Variants in INTS9 observed in about 807,000 individuals in gnomAD.
The protein encoded by INTS9 is protein related to CPSF subunits of 74 kDa.
INTS9 carries 55 observed loss-of-function variants against 79.7 expected under a neutral mutation model. The observed-to-expected ratio is 0.69, with a 90% CI of 0.56 to 0.86. The LOEUF (loss-of-function observed/expected upper bound fraction) is 0.86. Ranked by LOEUF, INTS9 falls within the 40% of genes least tolerant of loss-of-function variation. The pLI is 0.00. For missense variants in INTS9, 721 were observed against 831.5 expected, an observed-to-expected ratio of 0.87 and a Z score of 1.64; for synonymous variants, 319 against 325.2, an observed-to-expected ratio of 0.98 and a Z score of 0.20.
chr8:28,795,478 A>G (rs1202090172), intron 9 of INTS9, among the ~76,000 whole-genome samples: 2 of 151,932 alleles, frequency 1.3e-5, no homozygotes, highest in Non-Finnish European at 2.9e-5. Flanking sequence ...TGTCTCTACT[A>G]AAAATACAAA....
Position 28,850,229 on chromosome 8 carries a change from T to C in INTS9, c.182A>G (p.Asn61Ser), listed in dbSNP as rs925479980. 15 of 1,613,642 alleles carry C rather than the reference T, an allele frequency of 9.3e-6. No homozygotes were observed. Among genetic ancestry groups the C allele is most frequent in the African/African-American group, 1.3e-5 (1 of 74,910 alleles). ...NLPGWSLKDG[N>S]AFLDKELKEC... Reference sequence around the variant, plus strand: ...AGATATTACCTTGTCCAAGAAAGCATTTCCATCCTTCAGGGACCAGCCAGG... The same window carrying C: ...AGATATTACCTTGTCCAAGAAAGCACTTCCATCCTTCAGGGACCAGCCAGG... Residue 61 changes from asparagine (N) to serine (S), a missense_variant, in exon 3 of 17, where the codon AAT becomes AGT. Transcript: ENST00000521022.
chr8:28,866,918 T>C (rs1049251196), intron 1 of INTS9, among the ~76,000 whole-genome samples: 4 of 151,418 alleles, frequency 2.6e-5, no homozygotes, highest in African/African-American at 9.8e-5. Flanking sequence ...GAGCTTGCAG[T>C]GAGCCAAGAT....
In INTS9 at chr8:28,889,936, C is replaced by A. The variant is rs1037445301; in HGVS notation, c.-54G>T. ...CACTGAACTCCTCAAACCCAGGAAG[C>A]GTCTTCCGGTGCAATCTCCGCCACC... is the stretch of plus-strand genomic sequence containing the variant. On this transcript the variant is annotated 5_prime_UTR_variant, in exon 1 of 17. Coordinates refer to ENST00000521022, the MANE Select transcript of INTS9 (RefSeq NM_018250.4). 2 of 1,514,358 alleles carry A rather than the reference C, an allele frequency of 1.3e-6. No homozygotes were observed. The highest frequency in any genetic ancestry group is 1.1e-5 in the South Asian group (1 of 87,938). 93.8% of individuals were successfully genotyped at this position (1,514,358 alleles called of 1,614,324 possible).
chr8:28,802,990 T>C (rs1046358415), intron 8 of INTS9, among the ~76,000 whole-genome samples: 1 of 150,934 alleles, frequency 6.6e-6, no homozygotes, highest in Non-Finnish European at 1.5e-5. Context: ...TGGTGCACTG[T>C]AGTCCCAGCT....
chr8:28,818,547 G>A (rs992142024), intron 6 of INTS9, among the ~76,000 whole-genome samples: 2 of 152,054 alleles, frequency 1.3e-5, no homozygotes, highest in South Asian at 4.2e-4. Flanking sequence ...TGCTGGATTC[G>A]GTTTGCCAGT....
In INTS9 at chr8:28,801,835, A is replaced by C. The variant is rs1384835723; in HGVS notation, c.745-5180T>G. ...ACCATGTTGCCCAGCCTGGTCTCAA[A>C]CTCCTGGGCTCAAGCAATCCTCCTG... On this transcript the variant is annotated intron_variant, in intron 8 of 16. Coordinates refer to ENST00000521022, the MANE Select transcript of INTS9 (RefSeq NM_018250.4). Among the ~76,000 whole-genome samples, 4 of 151,412 alleles carry C rather than the reference A, an allele frequency of 2.6e-5. No homozygotes were observed. In the East Asian group the frequency reaches 7.8e-4, roughly 30 times the overall value.
chr8:28,846,950 G>A (rs1807554200), intron 3 of INTS9, 141 bp from the exon 4 acceptor site: 6 of 677,502 alleles, frequency 8.9e-6, no homozygotes, highest in East Asian at 5.3e-5. Flanking sequence ...TTATTAGGCC[G>A]ACTGTCCTAT....
intron 1 of INTS9, among the ~76,000 whole-genome samples, chr8:28,887,370 T>A (rs1810226551): frequency 6.6e-6 from 1 of 151,972 alleles, no homozygotes; most frequent in Non-Finnish European, 1.5e-5. Flanking sequence ...AGATAAGGGG[T>A]CTTGTTGAAT....
At chr8:28,822,022 C>T (rs1403581780) in intron 6 of INTS9, among the ~76,000 whole-genome samples, 1 of 152,102 alleles carries the variant, frequency 6.6e-6, no homozygotes, top group Non-Finnish European at 1.5e-5. Context: ...CCGCCGTGGC[C>T]TCCCAAAGTG....
At position 28,787,160 on chromosome 8, in the gene INTS9, T is replaced by C. The variant is rs1002265822; in HGVS notation, c.1098+669A>G. Among the ~76,000 whole-genome samples, 11 of 150,202 alleles carry C rather than the reference T, an allele frequency of 7.3e-5. No homozygotes were observed. In the East Asian group the frequency reaches 1.5e-3, roughly 21 times the overall value. ...ATGAGACGCAGAAAAACGTTCATAA[T>C]ATACCCTTGGGTGAAAAGAACCTGA... is the stretch of plus-strand genomic sequence containing the variant. On this transcript the variant is annotated intron_variant, in intron 11 of 16. Transcript: ENST00000521022.
intron 1 of INTS9, among the ~76,000 whole-genome samples, chr8:28,861,841 G>A (rs1808479336): frequency 6.6e-6 from 1 of 152,262 alleles, no homozygotes; most frequent in South Asian, 2.1e-4. Context: ...AATGCTAACG[G>A]CTACCACCGA....
intron 6 of INTS9, among the ~76,000 whole-genome samples, chr8:28,822,113 A>G (rs1394137353): frequency 6.6e-6 from 1 of 152,186 alleles, no homozygotes; most frequent in Admixed American, 6.5e-5. Flanking sequence ...AATTGATGTC[A>G]AAAAAATATT....
chr8:28,887,741 C>G (rs1810244112), intron 1 of INTS9, among the ~76,000 whole-genome samples: 2 of 151,998 alleles, frequency 1.3e-5, no homozygotes, highest in South Asian at 4.2e-4. Flanking sequence ...CTATCAACTA[C>G]CAAATAAATT....
At chr8:28,889,649 G>C (rs1336846498) in intron 1 of INTS9, among the ~76,000 whole-genome samples, 1 of 152,144 alleles carries the variant, frequency 6.6e-6, no homozygotes, top group South Asian at 2.1e-4. Context: ...TGAACAAAAA[G>C]ACCCACTAAC....
intron 1 of INTS9, among the ~76,000 whole-genome samples, chr8:28,866,258 A>T (rs1808738624): frequency 6.6e-6 from 1 of 152,122 alleles, no homozygotes; most frequent in South Asian, 2.1e-4. Flanking sequence ...ATCCTAACTC[A>T]TGGTGGATTT....
intron 3 of INTS9, among the ~76,000 whole-genome samples, chr8:28,847,754 G>A (rs1249965290): frequency 6.6e-6 from 1 of 152,206 alleles, no homozygotes; most frequent in Non-Finnish European, 1.5e-5. Flanking sequence ...GGGAGGTGCT[G>A]AGAAAACAGA....
intron 11 of INTS9, 86 bp from the exon 12 acceptor site, chr8:28,781,080 G>T: frequency 9.8e-7 from 1 of 1,022,476 alleles, no homozygotes; most frequent in Non-Finnish European, 1.4e-6. Flanking sequence ...AGCGGGACTG[G>T]ATCTAAAATA....
At chr8:28,842,759 T>C (rs1164782546) in intron 4 of INTS9, among the ~76,000 whole-genome samples, 3 of 152,216 alleles carry the variant, frequency 2.0e-5, no homozygotes, top group Admixed American at 6.5e-5. Context: ...GGACACAGTT[T>C]TGTTTAGCAG....
intron 1 of INTS9, among the ~76,000 whole-genome samples, chr8:28,880,808 G>A (rs1426723037): frequency 2.0e-5 from 3 of 150,280 alleles, no homozygotes; most frequent in African/African-American, 7.3e-5. Flanking sequence ...TCTAGGAAGC[G>A]AGGAGCGCCT....
Sources: gnomAD v4.1 joint callset for allele counts (sites outside exome capture counted in the v4.1 genomes callset) on GRCh38, gnomAD v4.1.1 for gene constraint, MANE v1.5 for transcripts, NCBI Gene and HGNC (gene_info 2026-07-23, HGNC 2026-07-21) for gene names.